The following DZIP1L variants were observed in gnomAD, a reference collection of about 807,000 sequenced individuals.
DZIP1L encodes DAZ interacting zinc finger protein 1 like.
A neutral mutation model predicts 88.7 loss-of-function variants in DZIP1L; 90 were observed. That is an observed-to-expected ratio of 1.02 (90% confidence interval 0.86 to 1.21). The LOEUF is 1.21. Among genes scored for constraint, DZIP1L ranks in the 50% most tolerant of loss-of-function variants. The pLI is 0.00. For synonymous variants in DZIP1L, 363 were observed against 372.1 expected (o/e 0.98, Z 0.28); for missense variants, 932 against 955.8 (o/e 0.98, Z 0.33).
At chr3:138,081,911 C>G (rs995949275) in intron 8 of DZIP1L, 147 bp from the exon 9 acceptor site, 2 of 619,790 alleles carry the variant, frequency 3.2e-6, no homozygotes, top group Non-Finnish European at 5.3e-6. Flanking sequence ...CTCAGATGCA[C>G]CACCCCAGCC....
At chr3:138,110,610 A>T (rs958473233) in intron 1 of DZIP1L, among the ~76,000 whole-genome samples, 3 of 152,074 alleles carry the variant, frequency 2.0e-5, no homozygotes, top group African/African-American at 7.2e-5. Context: ...CAACATTCAT[A>T]TCTCCATCCC....
At chr3:138,084,984 A>G (rs1232159772) in intron 7 of DZIP1L, among the ~76,000 whole-genome samples, 1 of 152,212 alleles carries the variant, frequency 6.6e-6, no homozygotes, top group Admixed American at 6.5e-5. Context: ...CCATTGATCT[A>G]TATCTCTGTT....
In DZIP1L at chr3:138,102,177, G is replaced by C; in HGVS notation, c.501+1294C>G. 8 of 1,370,768 alleles carry C rather than the reference G, an allele frequency of 5.8e-6. No individual in the cohort carries two copies. In the South Asian group the frequency reaches 9.3e-5, roughly 16 times the overall value. 84.9% of individuals were successfully genotyped at this position (1,370,768 alleles called of 1,614,324 possible). On this transcript the variant is annotated intron_variant, in intron 2 of 15. Coordinates refer to ENST00000327532, the MANE Select transcript of DZIP1L (RefSeq NM_173543.3). The stretch of plus-strand genomic sequence containing the variant: ...GTCCAGGGAGTGACTGTTGTCCATG[G>C]ACAGCACCACAGGCGTGTCCGAGAT...
chr3:138,113,361 G>GACA (rs1028970989), intron 1 of DZIP1L: 1 of 152,088 alleles, frequency 6.6e-6, no homozygotes, highest in Non-Finnish European at 1.5e-5. Context: ...CTGACAGCTA[G>GACA]ACAACAACAA....
intron 2 of DZIP1L, chr3:138,102,012 T>A (rs930429596): frequency 1.3e-5 from 20 of 1,493,138 alleles, no homozygotes; most frequent in African/African-American, 4.1e-5. Context: ...AGTCTTTGTA[T>A]GCTGCAGGTC....
At chr3:138,102,400 C>A in intron 2 of DZIP1L, 1 of 1,326,896 alleles carries the variant, frequency 7.5e-7, no homozygotes, top group Non-Finnish European at 1.1e-6. Flanking sequence ...TCGAAGTCCT[C>A]CACCCAGCCC....
chr3:138,114,664 G>A (rs1170549270), intron 1 of DZIP1L, among the ~76,000 whole-genome samples: 2 of 152,136 alleles, frequency 1.3e-5, no homozygotes, highest in East Asian at 3.9e-4. Flanking sequence ...AATTCCAGGA[G>A]ACCAGGCAGG....
intron 10 of DZIP1L, chr3:138,080,348 T>C: frequency 2.1e-6 from 1 of 471,468 alleles, no homozygotes; most frequent in Non-Finnish European, 3.9e-6. Flanking sequence ...TCTCTAGGCC[T>C]GGGCTTCCCC....
chr3:138,084,421 G>A (rs1468317044), intron 7 of DZIP1L, among the ~76,000 whole-genome samples, 168 bp from the exon 8 acceptor site: 1 of 152,206 alleles, frequency 6.6e-6, no homozygotes, highest in Non-Finnish European at 1.5e-5. Flanking sequence ...GGACATTTTT[G>A]TGCTGTGCCT....
intron 6 of DZIP1L, 34 bp downstream of exon 6, chr3:138,088,345 C>T (rs1944041986): frequency 6.3e-7 from 1 of 1,585,526 alleles, no homozygotes; most frequent in Non-Finnish European, 8.6e-7. Flanking sequence ...CTCTTGGCTT[C>T]CTCTGGGAAG....
intron 7 of DZIP1L, among the ~76,000 whole-genome samples, chr3:138,086,267 T>TAA (rs202084004): frequency 7.4e-6 from 1 of 134,880 alleles, no homozygotes; most frequent in African/African-American, 2.7e-5. Context: ...TAATAATAAT[T>TAA]AAAAAAAAAA....
intron 7 of DZIP1L, 72 bp from the exon 8 acceptor site, chr3:138,084,325 A>G: frequency 6.5e-7 from 1 of 1,549,374 alleles, no homozygotes; most frequent in Non-Finnish European, 8.7e-7. Flanking sequence ...CTGCAGGCTC[A>G]GCACCTGTAG....
In DZIP1L at chr3:138,092,706, G is replaced by C. The variant is rs142165593; in HGVS notation, c.709-162C>G. On this transcript the variant is annotated intron_variant, in intron 4 of 15. Coordinates refer to ENST00000327532, the MANE Select transcript of DZIP1L (RefSeq NM_173543.3). ...TTTGGACTTGGGAGGACCAGTCTAA[G>C]CCTACTAAGTCTGCTACTTCTAAGC... Among the ~76,000 whole-genome samples the C allele has an allele frequency of 1.5e-3, 232 of 152,298 alleles. 1 individual carries two copies. The highest frequency in any genetic ancestry group is 5.4e-3 in the African/African-American group (224 of 41,572).
Position 138,106,786 on chromosome 3 carries a change from C to A in DZIP1L, c.-81-2734G>T, listed in dbSNP as rs531329367. Among the ~76,000 whole-genome samples, 6 of 151,898 alleles carry A rather than the reference C, an allele frequency of 4.0e-5. No individual in the cohort carries two copies. The East Asian group carries it at 9.8e-4, about 25-fold the overall frequency. ...GGCGGAGCTTGCAGTGAGCCGAGAT[C>A]GCGCCACGGCACTCCAGCCTGGGTG... On this transcript the variant is annotated intron_variant, in intron 1 of 15. Transcript: ENST00000327532.
At chr3:138,112,125 A>G (rs1205890300) in intron 1 of DZIP1L, among the ~76,000 whole-genome samples, 1 of 152,136 alleles carries the variant, frequency 6.6e-6, no homozygotes, top group African/African-American at 2.4e-5. Flanking sequence ...CTGCCTTTAA[A>G]AGTAGTAATT....
In DZIP1L at chr3:138,068,315, C is replaced by T. The variant is rs1437080024; in HGVS notation, c.1668G>A (p.Arg556=). The change falls in exon 13 of 16, where the codon AGG becomes AGA. Residue 556 remains arginine, a synonymous_variant. Transcript: ENST00000327532. Reference sequence around the variant, plus strand: ...TGGATGGCAAGGCCACCTGCAGGGTCCTGGTCTTTGGCTGGGCCTCTCTGG... The same window carrying T: ...TGGATGGCAAGGCCACCTGCAGGGTTCTGGTCTTTGGCTGGGCCTCTCTGG... ...LVTREAQPKT[R]TLQVALPSTP... The T allele has an allele frequency of 6.3e-7, 1 of 1,592,066 alleles. No homozygotes were observed.
At chr3:138,107,588 A>G (rs2042532551) in intron 1 of DZIP1L, among the ~76,000 whole-genome samples, 1 of 152,358 alleles carries the variant, frequency 6.6e-6, no homozygotes, top group African/African-American at 2.4e-5. Context: ...TTGTAGGTTC[A>G]TCTGGCACCA....
At chr3:138,071,406 T>C (rs2107743724) in intron 12 of DZIP1L, among the ~76,000 whole-genome samples, 1 of 152,210 alleles carries the variant, frequency 6.6e-6, no homozygotes, top group South Asian at 2.1e-4. Context: ...CAGCTCCGGC[T>C]CTCCTCCAAC....
chr3:138,069,784 G>T (rs1212506338), intron 12 of DZIP1L, among the ~76,000 whole-genome samples: 1 of 152,112 alleles, frequency 6.6e-6, no homozygotes, highest in Admixed American at 6.5e-5. Flanking sequence ...CCACAGCCTT[G>T]CCCAGGCCAC....
Sources: gnomAD v4.1 joint callset for allele counts (sites outside exome capture counted in the v4.1 genomes callset) on GRCh38, gnomAD v4.1.1 for gene constraint, MANE v1.5 for transcripts, NCBI Gene and HGNC (gene_info 2026-07-23, HGNC 2026-07-21) for gene names.